Variants in RIF1 observed in about 807,000 individuals in gnomAD.
RIF1 encodes the protein telomere-associated protein RIF1.
Under a neutral mutation model 247.1 loss-of-function variants are expected in RIF1, and 45 were observed. The observed-to-expected ratio is 0.18, with a 90% CI of 0.14 to 0.23. The LOEUF is 0.23. Among genes scored for constraint, RIF1 ranks in the 10% least tolerant of loss-of-function variants. The pLI is 1.00. For missense variants in RIF1, 2,967 were observed against 2,862.5 expected, an observed-to-expected ratio of 1.04 and a Z score of -0.83; for synonymous variants, 1,087 against 978.8, an observed-to-expected ratio of 1.11 and a Z score of -2.06.
chr2:151,492,745 GAA>G, intron 9 of RIF1: 1 of 304,126 alleles, frequency 3.3e-6, no homozygotes, highest in Non-Finnish European at 6.1e-6. Context: ...GTATAATTTT[GAA>G]AAGAGAGTGA....
the RIF1 span, chr2:151,516,414 T>C: frequency 4.5e-6 from 6 of 1,323,734 alleles, no homozygotes; most frequent in South Asian, 4.9e-5. Flanking sequence ...TTGTGTTCAG[T>C]AGTGTGATGG....
At position 151,481,035 on chromosome 2, in the gene RIF1, T is replaced by C. The variant is rs1021702125; in HGVS notation, c.*5964T>C. 1 of 152,188 alleles carries C rather than the reference T, an allele frequency of 6.6e-6. No individual in the cohort carries two copies. Among genetic ancestry groups the C allele is most frequent in the African/African-American group, 2.4e-5 (1 of 41,448 alleles). 9.4% of individuals were successfully genotyped at this position (152,188 alleles called of 1,614,324 possible). On this transcript the variant is annotated 3_prime_UTR_variant, in exon 36 of 36. Transcript: ENST00000444746. ...AATTTCAGTATCCAGAAATAAAGTT[T>C]TATTGGAACAGCTGTGCTTATTGTC...
chr2:151,493,841 T>A (rs761076471), intron 9 of RIF1: 3 of 1,577,314 alleles, frequency 1.9e-6, no homozygotes. Context: ...TGGGGGTTGC[T>A]TTCCCCAGGT....
the RIF1 span, chr2:151,525,284 C>G: frequency 3.2e-6 from 5 of 1,574,592 alleles, no homozygotes; most frequent in Non-Finnish European, 3.5e-6. Flanking sequence ...CTAAATAGAG[C>G]CAGAATTACT....
At chr2:151,522,893 G>C in the RIF1 span, among the ~76,000 whole-genome samples, 5 of 152,162 alleles carry the variant, frequency 3.3e-5, no homozygotes, top group South Asian at 4.1e-4. Context: ...CACAGCTGAA[G>C]CGCCCTTGGG....
intron 2 of RIF1, among the ~76,000 whole-genome samples, 186 bp downstream of exon 2, chr2:151,410,713 GC>G (rs1459354707): frequency 6.6e-6 from 1 of 152,172 alleles, no homozygotes; most frequent in Non-Finnish European, 1.5e-5. Context: ...GGGTACTGCT[GC>G]TGCTGCGCTT....
At chr2:151,427,099 A>G (rs1019586429) in intron 8 of RIF1, among the ~76,000 whole-genome samples, 6 of 151,202 alleles carry the variant, frequency 4.0e-5, no homozygotes, top group African/African-American at 1.2e-4. Context: ...TTACCGGTTT[A>G]TAGCCTGTTA....
At chr2:151,437,031 A>C (rs2152341795) in intron 12 of RIF1, 28 bp downstream of exon 12, 1 of 1,578,382 alleles carries the variant, frequency 6.3e-7, no homozygotes, top group East Asian at 2.2e-5. Flanking sequence ...GAATAATTTT[A>C]ATTACTAAAA....
In RIF1 at chr2:151,462,339, T is replaced by C; in HGVS notation, c.3308+17T>C. On this transcript the variant is annotated intron_variant, in intron 28 of 35. Coordinates refer to ENST00000444746, the MANE Select transcript of RIF1 (RefSeq NM_018151.5). ...AGAGCCTATGTAAGTACAGAAGCCA[T>C]CAAACTTTTATATCTGTTTTATTCA... is the stretch of plus-strand genomic sequence containing the variant. The C allele has an allele frequency of 6.6e-7, 1 of 1,525,730 alleles. No homozygotes were observed. Among genetic ancestry groups the C allele is most frequent in the Admixed American group, 1.9e-5 (1 of 53,594 alleles). 94.5% of individuals were successfully genotyped at this position (1,525,730 alleles called of 1,614,324 possible). A position where few individuals can be genotyped will look rare whatever the true frequency, so the allele number is the denominator to read the frequency against.
chr2:151,437,400 G>GA, intron 13 of RIF1, 49 bp downstream of exon 13: 1 of 1,419,080 alleles, frequency 7.0e-7, no homozygotes, highest in Non-Finnish European at 9.9e-7. Context: ...TTAAAAAGAA[G>GA]AAAAAATAGG....
At chr2:151,519,686 A>G in the RIF1 span, 32 of 1,612,280 alleles carry the variant, frequency 2.0e-5, no homozygotes, top group Non-Finnish European at 2.7e-5. Flanking sequence ...AGCATCTTTC[A>G]TGACTTTGTA....
Position 151,463,386 on chromosome 2 carries a change from G to A in RIF1, c.3866G>A (p.Arg1289Gln), listed in dbSNP as rs774214181. Residue 1289 changes from arginine (R) to glutamine (Q), a missense_variant, in exon 30 of 36, where the codon CGG (arginine) becomes CAG (glutamine). Physicochemically the swap from Arg to Gln is conservative, Grantham distance 43. Transcript: ENST00000444746. The stretch of plus-strand genomic sequence containing the variant: ...GTGAATGGAACTAAGAGATCAAGCC[G>A]GAGAGCTGGTAAAGCTGAACAAACA... The part of the protein sequence containing the change: ...KIVNGTKRSS[R>Q]RAGKAEQTGN... 33 of 1,613,970 alleles carry A rather than the reference G, an allele frequency of 2.0e-5. No homozygotes were observed. The highest frequency in any genetic ancestry group is 3.3e-5 in the South Asian group (3 of 91,044).
At chr2:151,442,861 T>C (rs974010898) in intron 16 of RIF1, among the ~76,000 whole-genome samples, 2 of 148,066 alleles carry the variant, frequency 1.4e-5, no homozygotes, top group South Asian at 4.5e-4. Context: ...AACCTAATTC[T>C]CCCGGTCTCA....
At position 151,478,328 on chromosome 2, in the gene RIF1, A is replaced by G. The variant is rs1278747016; in HGVS notation, c.*3257A>G. On this transcript the variant is annotated 3_prime_UTR_variant, in exon 36 of 36. Coordinates refer to ENST00000444746, the MANE Select transcript of RIF1 (RefSeq NM_018151.5). Reference sequence around the variant, plus strand: ...TGGCGAAATCCTGTCTCTACTAAAAATACAAAAACCAGCCAGGCATGTTGG... The same window carrying G: ...TGGCGAAATCCTGTCTCTACTAAAAGTACAAAAACCAGCCAGGCATGTTGG... 2.0e-5 allele frequency: 3 copies of G among 152,206 alleles called. No homozygotes were observed. Among genetic ancestry groups the G allele is most frequent in the Non-Finnish European group, 4.4e-5 (3 of 68,056 alleles). The allele number at this position is 152,206 out of a possible 1,614,324, so 9.4% of individuals were successfully genotyped here. A position where few individuals can be genotyped will look rare whatever the true frequency, so the allele number is the denominator to read the frequency against.
At chr2:151,488,780 A>C (rs1418680523) in intron 9 of RIF1, among the ~76,000 whole-genome samples, 1 of 152,212 alleles carries the variant, frequency 6.6e-6, no homozygotes, top group African/African-American at 2.4e-5. Flanking sequence ...TAAATAGATA[A>C]CTGGTTACCT....
At chr2:151,494,395 T>G in intron 9 of RIF1, 1 of 587,410 alleles carries the variant, frequency 1.7e-6, no homozygotes. Flanking sequence ...AGTAGTATGT[T>G]TCCTAAGGAA....
the RIF1 span, among the ~76,000 whole-genome samples, chr2:151,520,272 A>T: frequency 6.6e-6 from 1 of 152,290 alleles, no homozygotes; most frequent in Admixed American, 6.5e-5. Context: ...TTTAAAAATT[A>T]TTAAACTTGG....
chr2:151,410,312 C>T, intron 1 of RIF1, 102 bp from the exon 2 acceptor site: 1 of 874,162 alleles, frequency 1.1e-6, no homozygotes, highest in Non-Finnish European at 1.8e-6. Context: ...GGCTGTGAGG[C>T]CCGGGCGGGC....
chr2:151,498,033 C>G, intron 10 of RIF1: 1 of 1,442,516 alleles, frequency 6.9e-7, no homozygotes, highest in South Asian at 1.5e-5. Flanking sequence ...GTTATCCACA[C>G]AAATGGAAAC....
Sources: gnomAD v4.1 joint callset for allele counts (sites outside exome capture counted in the v4.1 genomes callset) on GRCh38, gnomAD v4.1.1 for gene constraint, MANE v1.5 for transcripts, NCBI Gene and HGNC (gene_info 2026-07-23, HGNC 2026-07-21) for gene names.